The following ARB2A variants were observed in gnomAD, a reference collection of about 807,000 sequenced individuals.
ARB2A encodes ARB2 cotranscriptional regulator A.
chr5:94,007,464 G>T, the ARB2A span, among the ~76,000 whole-genome samples: 1 of 152,112 alleles, frequency 6.6e-6, no homozygotes, highest in South Asian at 2.1e-4. Flanking sequence ...ACATACTATT[G>T]TTCAAAGATG....
At chr5:94,068,671 C>G in the ARB2A span, among the ~76,000 whole-genome samples, 4 of 151,912 alleles carry the variant, frequency 2.6e-5, no homozygotes, top group African/African-American at 4.8e-5. Context: ...TCTTTACTAC[C>G]TGATTGGTCG....
At chr5:93,668,105 A>C in the ARB2A span, among the ~76,000 whole-genome samples, 1 of 152,290 alleles carries the variant, frequency 6.6e-6, no homozygotes, top group East Asian at 1.9e-4. Flanking sequence ...AAAGCTTTTA[A>C]AAAAATTATT....
chr5:93,915,610 GATAAT>G, the ARB2A span, among the ~76,000 whole-genome samples: 4 of 152,000 alleles, frequency 2.6e-5, no homozygotes, highest in South Asian at 8.3e-4. Flanking sequence ...TAAAACTGAA[GATAAT>G]ATAATAACTT....
the ARB2A span, among the ~76,000 whole-genome samples, chr5:94,066,211 G>A: frequency 1.5e-4 from 23 of 151,756 alleles, no homozygotes; most frequent in African/African-American, 3.9e-4. Flanking sequence ...AAAAGGAAAC[G>A]ATACAGCAAT....
At chr5:93,974,438 A>T in the ARB2A span, among the ~76,000 whole-genome samples, 1 of 152,218 alleles carries the variant, frequency 6.6e-6, no homozygotes, top group Non-Finnish European at 1.5e-5. Context: ...GGAGCACCCA[A>T]ATCTATAAAA....
chr5:94,078,276 T>G, the ARB2A span, among the ~76,000 whole-genome samples: 2 of 152,154 alleles, frequency 1.3e-5, no homozygotes, highest in African/African-American at 4.8e-5. Flanking sequence ...TTGGTTCCAG[T>G]CTAGCCCTAA....
chr5:94,058,745 T>C, the ARB2A span, among the ~76,000 whole-genome samples: 1 of 152,170 alleles, frequency 6.6e-6, no homozygotes. Context: ...TTAAGTGTGT[T>C]CCAAGATGAA....
At chr5:94,104,343 TAA>T in the ARB2A span, among the ~76,000 whole-genome samples, 1 of 134,676 alleles carries the variant, frequency 7.4e-6, no homozygotes. Context: ...CCCACAGAAA[TAA>T]AAAAAAAAAA....
At chr5:93,772,002 C>G in the ARB2A span, among the ~76,000 whole-genome samples, 1 of 152,212 alleles carries the variant, frequency 6.6e-6, no homozygotes, top group African/African-American at 2.4e-5. Flanking sequence ...AAGACACATG[C>G]ACACGTATGT....
chr5:93,826,735 T>C, the ARB2A span, among the ~76,000 whole-genome samples: 1 of 109,478 alleles, frequency 9.1e-6, no homozygotes, highest in African/African-American at 3.5e-5. Flanking sequence ...CCTAATGCTA[T>C]CCCTCCCCCC....
chr5:93,667,135 A>G, the ARB2A span, among the ~76,000 whole-genome samples: 1 of 152,106 alleles, frequency 6.6e-6, no homozygotes, highest in African/African-American at 2.4e-5. Context: ...CAGGTTTCTG[A>G]ATATTCCTTA....
the ARB2A span, among the ~76,000 whole-genome samples, chr5:93,678,968 T>TA: frequency 6.6e-6 from 1 of 152,134 alleles, no homozygotes; most frequent in Non-Finnish European, 1.5e-5. Context: ...TTCTTAGACA[T>TA]AAAAACCATA....
the ARB2A span, among the ~76,000 whole-genome samples, chr5:93,957,641 A>G: frequency 6.6e-6 from 1 of 152,188 alleles, no homozygotes; most frequent in South Asian, 2.1e-4. Context: ...AAAGTGGGAA[A>G]AAAAAACATA....
At chr5:93,860,493 CAATAT>C in the ARB2A span, among the ~76,000 whole-genome samples, 1 of 150,754 alleles carries the variant, frequency 6.6e-6, no homozygotes, top group Non-Finnish European at 1.5e-5. Context: ...CAAAACCAAA[CAATAT>C]AATAAACATG....
chr5:93,977,525 C>T, the ARB2A span, among the ~76,000 whole-genome samples: 1 of 152,136 alleles, frequency 6.6e-6, no homozygotes, highest in East Asian at 1.9e-4. Context: ...GGAAAGGATA[C>T]CCTATTCAAT....
At chr5:93,831,502 T>C in the ARB2A span, among the ~76,000 whole-genome samples, 2 of 152,094 alleles carry the variant, frequency 1.3e-5, no homozygotes, top group Non-Finnish European at 2.9e-5. Flanking sequence ...CAACTCAGTC[T>C]GGGATGAGAC....
the ARB2A span, among the ~76,000 whole-genome samples, chr5:93,786,695 C>T: frequency 3.2e-4 from 48 of 152,242 alleles, no homozygotes; most frequent in South Asian, 9.7e-3. Flanking sequence ...TTTAGTAGTC[C>T]TGGAACTACT....
chr5:93,701,926 C>T, the ARB2A span, among the ~76,000 whole-genome samples: 11 of 152,156 alleles, frequency 7.2e-5, no homozygotes, highest in Non-Finnish European at 4.4e-5. Context: ...ACAGCTTACA[C>T]ATCTTTAATC....
chr5:93,963,895 G>A, the ARB2A span, among the ~76,000 whole-genome samples: 1 of 151,824 alleles, frequency 6.6e-6, no homozygotes, highest in African/African-American at 2.4e-5. Context: ...GACAATTTGA[G>A]TCTGAGAACA....
Sources: gnomAD v4.1 joint callset for allele counts (sites outside exome capture counted in the v4.1 genomes callset) on GRCh38, gnomAD v4.1.1 for gene constraint, MANE v1.5 for transcripts, NCBI Gene and HGNC (gene_info 2026-07-23, HGNC 2026-07-21) for gene names.